The following TXLNB variants were observed in gnomAD, a reference collection of about 807,000 sequenced individuals.
TXLNB encodes beta-taxilin.
Under a neutral mutation model 57.4 loss-of-function variants are expected in TXLNB, and 37 were observed. The ratio of observed to expected loss-of-function variants is 0.64; its 90% CI spans 0.50 to 0.85. The LOEUF is 0.85. Ranked by LOEUF, TXLNB falls within the 40% of genes least tolerant of loss-of-function variation. TXLNB has a pLI of 0.00. For missense variants in TXLNB, 848 were observed against 825.6 expected, an observed-to-expected ratio of 1.03 and a Z score of -0.33; for synonymous variants, 302 against 309.6, an observed-to-expected ratio of 0.98 and a Z score of 0.26.
Position 139,270,449 on chromosome 6 carries a change from G to A in TXLNB, c.687+7C>T. Reference sequence around the variant, plus strand: ...AAATTATGTTATTCTGAGGCATGGGGACATACCTTCAGAGTCTTGTTGTGT... The same window carrying A: ...AAATTATGTTATTCTGAGGCATGGGAACATACCTTCAGAGTCTTGTTGTGT... On this transcript the variant is annotated splice_region_variant and intron_variant, in intron 4 of 9. Coordinates refer to ENST00000358430, the MANE Select transcript of TXLNB (RefSeq NM_153235.4). 2 of 1,612,174 alleles carry A rather than the reference G, an allele frequency of 1.2e-6. No homozygotes were observed. Among genetic ancestry groups the A allele is most frequent in the East Asian group, 2.2e-5 (1 of 44,852 alleles).
chr6:139,218,754 AAAAAAAGATTCC>A, the TXLNB span, among the ~76,000 whole-genome samples: 1 of 152,176 alleles, frequency 6.6e-6, no homozygotes, highest in Non-Finnish European at 1.5e-5. Flanking sequence ...TCTGTCTAAA[AAAAAAAGATTCC>A]ATAATATTAT....
chr6:139,160,504 C>G, the TXLNB span, among the ~76,000 whole-genome samples: 1 of 152,228 alleles, frequency 6.6e-6, no homozygotes, highest in Non-Finnish European at 1.5e-5. Context: ...GCCTCAATTT[C>G]CTCGACTCAC....
chr6:139,273,737 C>T (rs768127178), intron 3 of TXLNB, among the ~76,000 whole-genome samples: 1 of 152,232 alleles, frequency 6.6e-6, no homozygotes, highest in African/African-American at 2.4e-5. Context: ...GGATTACAGG[C>T]ATGGGCCACT....
chr6:139,166,791 A>G, the TXLNB span: 2 of 1,613,668 alleles, frequency 1.2e-6, no homozygotes, highest in Non-Finnish European at 1.7e-6. Flanking sequence ...GCCGCAGCCT[A>G]CGGTGCCCGT....
At chr6:139,274,796 G>A (rs375532201) in intron 3 of TXLNB, among the ~76,000 whole-genome samples, 20 of 152,168 alleles carry the variant, frequency 1.3e-4, no homozygotes, top group South Asian at 1.0e-3. Flanking sequence ...AGAACATGGC[G>A]CTGGAAACTA....
chr6:139,308,607 T>C, the TXLNB span, among the ~76,000 whole-genome samples: 1 of 152,214 alleles, frequency 6.6e-6, no homozygotes, highest in African/African-American at 2.4e-5. Flanking sequence ...TCGTTAGTGG[T>C]TGACTTTCCA....
the TXLNB span, among the ~76,000 whole-genome samples, chr6:139,234,764 C>T: frequency 0.11 from 16,315 of 152,226 alleles, 1,568 homozygotes; most frequent in African/African-American, 0.26. Flanking sequence ...ACTGAGACAC[C>T]GCCTAGTGGA....
At chr6:139,174,624 A>G in the TXLNB span, 1 of 1,538,294 alleles carries the variant, frequency 6.5e-7, no homozygotes, top group South Asian at 1.3e-5. Context: ...GTCTGGCAAT[A>G]AAGAAGAAAT....
chr6:139,174,392 C>T, the TXLNB span: 1 of 1,613,198 alleles, frequency 6.2e-7, no homozygotes, highest in Non-Finnish European at 8.5e-7. Flanking sequence ...CAGGGAGACT[C>T]ATGCATCTGT....
the TXLNB span, chr6:139,169,713 GGACTTTTTCACAT>G: frequency 6.6e-6 from 1 of 152,166 alleles, no homozygotes; most frequent in African/African-American, 2.4e-5. Flanking sequence ...AGGCTAGCTT[GGACTTTTTCACAT>G]GTTGCTCTCA....
At position 139,242,970 on chromosome 6, in the gene TXLNB, A is replaced by G; in HGVS notation, c.1611T>C (p.Ala537=). ...GAGGGGGTTGCTCTGGCTCCTTGAG[A>G]GCGGCGTCAGCACTCTCCTGAGAAC... ...IGSSQESADA[A]LKEPEQPPLI... Residue 537 remains alanine, a synonymous_variant, in exon 10 of 10, where the codon GCT becomes GCC. Coordinates refer to ENST00000358430, the MANE Select transcript of TXLNB (RefSeq NM_153235.4). 1 of 1,613,838 alleles carries G rather than the reference A, an allele frequency of 6.2e-7. No homozygotes were observed. The highest frequency in any genetic ancestry group is 1.3e-5 in the African/African-American group (1 of 74,906).
At chr6:139,210,223 G>A in the TXLNB span, among the ~76,000 whole-genome samples, 1 of 152,058 alleles carries the variant, frequency 6.6e-6, no homozygotes, top group Non-Finnish European at 1.5e-5. Context: ...GATGTTGGAG[G>A]GGGGTGTGGT....
the TXLNB span, among the ~76,000 whole-genome samples, chr6:139,209,287 A>C: frequency 6.6e-6 from 1 of 152,212 alleles, no homozygotes; most frequent in Non-Finnish European, 1.5e-5. Context: ...ACACTGCGGA[A>C]AGAAATCATA....
the TXLNB span, among the ~76,000 whole-genome samples, chr6:139,192,682 C>T: frequency 1.3e-5 from 2 of 152,032 alleles, no homozygotes; most frequent in Non-Finnish European, 2.9e-5. Flanking sequence ...TGATGGCTCA[C>T]GCCTGTAATC....
the TXLNB span, among the ~76,000 whole-genome samples, chr6:139,305,422 A>G: frequency 1.3e-5 from 2 of 152,136 alleles, no homozygotes; most frequent in Non-Finnish European, 2.9e-5. Flanking sequence ...ATGGATTATA[A>G]CCATATGCAT....
At chr6:139,291,343 A>G (rs900162434) in intron 1 of TXLNB, among the ~76,000 whole-genome samples, 4 of 152,244 alleles carry the variant, frequency 2.6e-5, no homozygotes, top group Non-Finnish European at 4.4e-5. Flanking sequence ...AATCTCAAGT[A>G]AAATGAACTT....
chr6:139,170,168 A>AT, the TXLNB span: 3 of 152,176 alleles, frequency 2.0e-5, no homozygotes, highest in East Asian at 1.9e-4. Context: ...AACTTGAAAC[A>AT]TTTTTTATGA....
At chr6:139,196,906 T>C in the TXLNB span, among the ~76,000 whole-genome samples, 2 of 152,302 alleles carry the variant, frequency 1.3e-5, no homozygotes, top group East Asian at 3.9e-4. Flanking sequence ...TGTGAGTATA[T>C]TGGGCCCACC....
chr6:139,194,426 A>G, the TXLNB span, among the ~76,000 whole-genome samples: 1 of 152,262 alleles, frequency 6.6e-6, no homozygotes, highest in Non-Finnish European at 1.5e-5. Context: ...CTTTCTCTCC[A>G]AACTTGCTCC....
Sources: gnomAD v4.1 joint callset for allele counts (sites outside exome capture counted in the v4.1 genomes callset) on GRCh38, gnomAD v4.1.1 for gene constraint, MANE v1.5 for transcripts, NCBI Gene and HGNC (gene_info 2026-07-23, HGNC 2026-07-21) for gene names.